The following ANO10 variants were observed in gnomAD, a reference collection of about 807,000 sequenced individuals.
ANO10 encodes the protein anoctamin-10.
In ANO10, 77 loss-of-function variants were observed where a neutral mutation model predicts 74.7. The observed-to-expected ratio is 1.03, with a 90% CI of 0.86 to 1.25. ANO10 has a LOEUF of 1.25. ANO10 is among the 50% of genes most tolerant of loss of function. The pLI is 0.00. For synonymous variants in ANO10, 279 were observed against 284.9 expected, an observed-to-expected ratio of 0.98 and a Z score of 0.21; for missense variants, 721 against 778.1, an observed-to-expected ratio of 0.93 and a Z score of 0.87.
intron 12 of ANO10, among the ~76,000 whole-genome samples, chr3:43,396,213 A>G (rs1358841550): frequency 6.6e-6 from 1 of 152,192 alleles, no homozygotes; most frequent in Non-Finnish European, 1.5e-5. Flanking sequence ...GTATGACACC[A>G]GTTTTAGACT....
chr3:43,582,391 G>C (rs564780664), intron 4 of ANO10, among the ~76,000 whole-genome samples: 2 of 152,200 alleles, frequency 1.3e-5, no homozygotes, highest in South Asian at 4.1e-4. Context: ...GGCAGAGCTT[G>C]CAGTGAGATC....
chr3:43,649,025 A>G (rs966387615), intron 1 of ANO10, among the ~76,000 whole-genome samples: 3 of 151,666 alleles, frequency 2.0e-5, no homozygotes, highest in Admixed American at 2.0e-4. Flanking sequence ...GGTCTTTATG[A>G]CCTCTATCTT....
intron 1 of ANO10, among the ~76,000 whole-genome samples, chr3:43,684,223 C>G (rs1299933571): frequency 6.6e-6 from 1 of 151,996 alleles, no homozygotes; most frequent in African/African-American, 2.4e-5. Context: ...TGAACTCCAA[C>G]AAATTTACAA....
chr3:43,629,715 A>T (rs1457779514), intron 1 of ANO10, among the ~76,000 whole-genome samples: 1 of 152,230 alleles, frequency 6.6e-6, no homozygotes, highest in Non-Finnish European at 1.5e-5. Flanking sequence ...TGAGAGAAAG[A>T]GGAGTCAATT....
chr3:43,373,078 C>G (rs1016929340), intron 12 of ANO10, among the ~76,000 whole-genome samples: 2 of 152,090 alleles, frequency 1.3e-5, no homozygotes. Context: ...TCAGAAGCAC[C>G]GGGTTTCAGG....
chr3:43,561,271 A>G lies in ANO10; in HGVS notation c.1425T>C (p.Asp475=). The G allele has an allele frequency of 6.2e-7, 1 of 1,614,210 alleles. No individual in the cohort carries two copies. The highest frequency in any genetic ancestry group is 8.5e-7 in the Non-Finnish European group (1 of 1,180,038). Residue 475 remains aspartate, a synonymous_variant, in exon 9 of 13, where the codon GAT becomes GAC. Coordinates refer to ENST00000292246, the MANE Select transcript of ANO10 (RefSeq NM_018075.5). ...RKVQALKADI[D]ATLYEQVILE... ...GGATGACTTGTTCATATAATGTAGC[A>G]TCAATGTCTGCCTTTAAAGCCTGCA...
At chr3:43,638,110 A>G (rs1159122360) in intron 1 of ANO10, among the ~76,000 whole-genome samples, 1 of 152,260 alleles carries the variant, frequency 6.6e-6, no homozygotes, top group Non-Finnish European at 1.5e-5. Flanking sequence ...TAAACTCTAC[A>G]TTATTCCTCC....
intron 1 of ANO10, among the ~76,000 whole-genome samples, chr3:43,638,061 TAA>T (rs1418881673): frequency 6.6e-6 from 1 of 152,222 alleles, no homozygotes; most frequent in Non-Finnish European, 1.5e-5. Context: ...AATTGAACTA[TAA>T]GTTAAAAATT....
intron 12 of ANO10, among the ~76,000 whole-genome samples, chr3:43,393,752 T>C (rs1394033679): frequency 3.9e-5 from 6 of 152,134 alleles, no homozygotes; most frequent in African/African-American, 7.2e-5. Context: ...CAAAAGGTGA[T>C]GTTGGGAAGC....
intron 8 of ANO10, among the ~76,000 whole-genome samples, chr3:43,565,224 C>A (rs1022930230): frequency 6.6e-6 from 1 of 152,178 alleles, no homozygotes; most frequent in African/African-American, 2.4e-5. Context: ...ATGTCAGACA[C>A]TTTAGAAAAG....
At chr3:43,378,920 C>T (rs2091886172) in intron 12 of ANO10, among the ~76,000 whole-genome samples, 1 of 152,150 alleles carries the variant, frequency 6.6e-6, no homozygotes, top group African/African-American at 2.4e-5. Flanking sequence ...TCATTCCCAC[C>T]TAGAAACCTC....
chr3:43,446,062 T>C (rs974620287), intron 11 of ANO10, among the ~76,000 whole-genome samples: 2 of 152,142 alleles, frequency 1.3e-5, no homozygotes, highest in Non-Finnish European at 2.9e-5. Context: ...GAGAAACGTA[T>C]AGATATCACT....
intron 11 of ANO10, among the ~76,000 whole-genome samples, chr3:43,448,888 T>G (rs1337717449): frequency 2.7e-5 from 4 of 149,216 alleles, no homozygotes; most frequent in African/African-American, 1.0e-4. Flanking sequence ...TTTTTTTTTT[T>G]GGAGACAGAG....
At chr3:43,471,120 C>T (rs1385696968) in intron 11 of ANO10, among the ~76,000 whole-genome samples, 1 of 152,112 alleles carries the variant, frequency 6.6e-6, no homozygotes, top group Non-Finnish European at 1.5e-5. Context: ...ATGATTTCTT[C>T]TCTTACATAA....
intron 11 of ANO10, among the ~76,000 whole-genome samples, chr3:43,470,348 C>T (rs2075800316): frequency 6.6e-6 from 1 of 151,976 alleles, no homozygotes; most frequent in Non-Finnish European, 1.5e-5. Flanking sequence ...TATCGTAATT[C>T]TTTTGTTTTT....
chr3:43,547,991 T>C (rs573206300), intron 11 of ANO10, among the ~76,000 whole-genome samples: 1 of 152,260 alleles, frequency 6.6e-6, no homozygotes, highest in East Asian at 1.9e-4. Context: ...TAGGGATGGT[T>C]TTCAGGTTTT....
At chr3:43,383,773 A>G (rs757591184) in intron 12 of ANO10, among the ~76,000 whole-genome samples, 29 of 152,210 alleles carry the variant, frequency 1.9e-4, no homozygotes, top group Non-Finnish European at 3.2e-4. Context: ...GAAGGGACAT[A>G]CCCTAAGGTA....
intron 1 of ANO10, among the ~76,000 whole-genome samples, chr3:43,678,559 G>C (rs957221918): frequency 1.3e-5 from 2 of 152,182 alleles, no homozygotes; most frequent in African/African-American, 4.8e-5. Context: ...GCAGCCCGCA[G>C]TCACATACCC....
At chr3:43,379,765 C>G (rs578172955) in intron 12 of ANO10, among the ~76,000 whole-genome samples, 2 of 152,248 alleles carry the variant, frequency 1.3e-5, no homozygotes, top group Admixed American at 6.5e-5. Flanking sequence ...TGTGATACAG[C>G]AGAGGCAAGG....
Sources: allele counts gnomAD v4.1 joint callset (sites outside exome capture counted in the v4.1 genomes callset), GRCh38; gene constraint gnomAD v4.1.1; transcripts MANE v1.5; gene names NCBI Gene and HGNC (gene_info 2026-07-23, HGNC 2026-07-21).